Variants in TENM1 observed in about 807,000 individuals in gnomAD.
The protein encoded by TENM1 is teneurin transmembrane protein 1, also known as teneurin-1.
A neutral mutation model predicts 174.8 loss-of-function variants in TENM1; 35 were observed. The observed-to-expected ratio is 0.20, with a 90% CI of 0.15 to 0.27. TENM1 has a LOEUF of 0.27. TENM1 is among the 10% of genes least tolerant of loss of function. The probability of loss-of-function intolerance (pLI) is 1.00; values close to 1 mark genes in which losing one functional copy is unlikely to be tolerated. For missense variants in TENM1, 1,633 were observed against 2,130.1 expected (o/e 0.77, Z 4.59); for synonymous variants, 781 against 798.7 (o/e 0.98, Z 0.37).
chrX:125,060,916 T>C, the TENM1 span, among the ~76,000 whole-genome samples: 2 of 111,014 alleles, frequency 1.8e-5, no homozygotes, highest in Non-Finnish European at 3.8e-5. Context: ...AATAAAACCA[T>C]ATTCACCTAG....
chrX:125,012,169 C>T, the TENM1 span, among the ~76,000 whole-genome samples: 247 of 111,309 alleles, frequency 2.2e-3, 1 homozygote, highest in African/African-American at 7.7e-3. Context: ...GAACAGCACA[C>T]ACCAGGGCCT....
intron 4 of TENM1, among the ~76,000 whole-genome samples, chrX:124,708,252 T>C (rs2052958317): frequency 8.9e-6 from 1 of 111,741 alleles, no homozygotes; most frequent in Non-Finnish European, 1.9e-5. Context: ...TTAAAGGGAT[T>C]AAAAAAACCC....
intron 3 of TENM1, among the ~76,000 whole-genome samples, chrX:124,755,603 G>T (rs2054211555): frequency 9.0e-6 from 1 of 111,395 alleles, no homozygotes; most frequent in African/African-American, 3.3e-5. Flanking sequence ...TTACAATTTG[G>T]CATGATTTTG....
intron 4 of TENM1, among the ~76,000 whole-genome samples, chrX:124,723,469 T>TGCATAAAACTCCA (rs2053365653): frequency 8.9e-6 from 1 of 111,760 alleles, no homozygotes; most frequent in Non-Finnish European, 1.9e-5. Context: ...GTTTTTGGCT[T>TGCATAAAACTCCA]TCTTTTAGTC....
At chrX:124,886,538 TATATATATATAG>T (rs1265625820) in intron 3 of TENM1, among the ~76,000 whole-genome samples, 2 of 91,233 alleles carry the variant, frequency 2.2e-5, no homozygotes, top group African/African-American at 8.3e-5. Context: ...TATATATATA[TATATATATATAG>T]AGAGAGAGAG....
At chrX:124,810,302 T>C (rs2055731869) in intron 3 of TENM1, among the ~76,000 whole-genome samples, 1 of 111,503 alleles carries the variant, frequency 9.0e-6, no homozygotes, top group African/African-American at 3.3e-5. Context: ...TGATCTTATA[T>C]ATAGAAAATC....
At chrX:124,517,751 A>C (rs1217173517) in intron 18 of TENM1, among the ~76,000 whole-genome samples, 2 of 109,543 alleles carry the variant, frequency 1.8e-5, no homozygotes, top group Non-Finnish European at 3.8e-5. Flanking sequence ...AACATGGTGC[A>C]TGTATACATA....
chrX:124,847,105 A>C (rs891275244), intron 3 of TENM1, among the ~76,000 whole-genome samples: 2 of 111,008 alleles, frequency 1.8e-5, no homozygotes, highest in Admixed American at 9.6e-5. Flanking sequence ...TTTGTGTTGA[A>C]CATATCTGTA....
chrX:124,987,471 A>G, the TENM1 span, among the ~76,000 whole-genome samples: 9 of 112,217 alleles, frequency 8.0e-5, 1 homozygote, highest in South Asian at 3.3e-3. Flanking sequence ...GTCATCACTT[A>G]AAGTGAAGGC....
intron 26 of TENM1, 129 bp from the exon 30 acceptor site, chrX:124,405,395 C>T: frequency 2.0e-6 from 1 of 503,713 alleles, no homozygotes; most frequent in Non-Finnish European, 3.3e-6. Flanking sequence ...TCCTATCTGC[C>T]TTCTGGGCTA....
At chrX:124,982,005 C>A in the TENM1 span, among the ~76,000 whole-genome samples, 3 of 71,973 alleles carry the variant, frequency 4.2e-5, no homozygotes, top group African/African-American at 8.7e-5. Flanking sequence ...GAATGTCTGC[C>A]CCAGACATAG....
chrX:124,517,166 G>C (rs761797497), intron 18 of TENM1, among the ~76,000 whole-genome samples: 5 of 110,732 alleles, frequency 4.5e-5, no homozygotes, highest in Non-Finnish European at 7.6e-5. Flanking sequence ...AGGCTGGGAG[G>C]AGGGAAAGGA....
chrX:124,425,333 A>AT (rs1298038409), intron 23 of TENM1, among the ~76,000 whole-genome samples: 6 of 110,495 alleles, frequency 5.4e-5, no homozygotes, highest in Non-Finnish European at 7.6e-5. Context: ...ACTCACCAGC[A>AT]TTTTTTTTTG....
chrX:124,855,705 T>C (rs1197043674), intron 3 of TENM1, among the ~76,000 whole-genome samples: 2 of 111,541 alleles, frequency 1.8e-5, no homozygotes, highest in Admixed American at 9.6e-5. Flanking sequence ...AGAAGCAAAG[T>C]TGAAGTTTCT....
chrX:124,995,014 C>T, the TENM1 span, among the ~76,000 whole-genome samples: 1 of 110,597 alleles, frequency 9.0e-6, no homozygotes, highest in Non-Finnish European at 1.9e-5. Flanking sequence ...TTTGCCTCTC[C>T]ACTCCTTCTA....
the TENM1 span, among the ~76,000 whole-genome samples, chrX:124,984,274 C>T: frequency 8.9e-6 from 1 of 111,943 alleles, no homozygotes; most frequent in South Asian, 3.7e-4. Flanking sequence ...TCCAAGGTTA[C>T]TTGATCTGTC....
the TENM1 span, among the ~76,000 whole-genome samples, chrX:124,979,452 A>G: frequency 3.6e-4 from 40 of 111,837 alleles, no homozygotes; most frequent in African/African-American, 1.3e-3. Flanking sequence ...GATTTCAAAG[A>G]CTTAGTAAAA....
chrX:124,606,813 T>A (rs1352041066), intron 11 of TENM1, among the ~76,000 whole-genome samples: 2 of 111,818 alleles, frequency 1.8e-5, no homozygotes, highest in Non-Finnish European at 3.8e-5. Flanking sequence ...ATTTCTTTGT[T>A]TATTAACATG....
the TENM1 span, among the ~76,000 whole-genome samples, chrX:125,044,212 TAAAAAAA>T: frequency 0.014 from 1,085 of 74,835 alleles, 23 homozygotes; most frequent in African/African-American, 0.06. Flanking sequence ...TAAAAAAAAA[TAAAAAAA>T]AAATAAAAAA....
Sources: gnomAD v4.1 joint callset for allele counts (sites outside exome capture counted in the v4.1 genomes callset) on GRCh38, gnomAD v4.1.1 for gene constraint, MANE v1.5 for transcripts, NCBI Gene and HGNC (gene_info 2026-07-23, HGNC 2026-07-21) for gene names.